RAPGEF6: variants seen among roughly 807,000 people sequenced by gnomAD.
RAPGEF6 encodes PDZ domain containing guanine nucleotide exchange factor (GEF) 2.
RAPGEF6 carries 56 observed loss-of-function variants against 171.4 expected under a neutral mutation model. That is an observed-to-expected ratio of 0.33 (90% confidence interval 0.26 to 0.41). The LOEUF is 0.41. Among genes scored for constraint, RAPGEF6 ranks in the 10% least tolerant of loss-of-function variants. The probability of loss-of-function intolerance (pLI) is 1.00; values close to 1 mark genes in which losing one functional copy is unlikely to be tolerated. For synonymous variants in RAPGEF6, 692 were observed against 650.1 expected, an observed-to-expected ratio of 1.06 and a Z score of -0.98; for missense variants, 1,674 against 1,921.4, an observed-to-expected ratio of 0.87 and a Z score of 2.41.
chr5:131,576,541 G>A lies in RAPGEF6; in HGVS notation c.282-14494C>T, dbSNP rs180931758. ...TCCTTAAGGCTGCTCTACTGCCCAA[G>A]GAAGCCGGAGTCATTCACCGCAAGG... On this transcript the variant is annotated intron_variant, in intron 4 of 27. Transcript: ENST00000509018. Among the ~76,000 whole-genome samples the A allele has an allele frequency of 3.9e-4, 60 of 152,240 alleles. 1 individual carries two copies. Among genetic ancestry groups the A allele is most frequent in the African/African-American group, 1.4e-3 (59 of 41,544 alleles).
intron 7 of RAPGEF6, among the ~76,000 whole-genome samples, chr5:131,511,861 A>G (rs761874389): frequency 3.9e-5 from 6 of 152,138 alleles, no homozygotes; most frequent in Non-Finnish European, 8.8e-5. Context: ...TTACAGTGGG[A>G]AACAGTGCCC....
rs368281591 is a variant in RAPGEF6, at chr5:131,432,385, G to A, written c.3975-1036C>T. On this transcript the variant is annotated intron_variant, in intron 25 of 27. Coordinates refer to ENST00000509018, the MANE Select transcript of RAPGEF6 (RefSeq NM_016340.6). Reference sequence around the variant, plus strand: ...TGTAATCCCAGCACTTTGGGAGGCCGAGGCGGGCGGATCACGAGGTCAGGA... The same window carrying A: ...TGTAATCCCAGCACTTTGGGAGGCCAAGGCGGGCGGATCACGAGGTCAGGA... 6.1e-4 allele frequency among the ~76,000 whole-genome samples: 93 copies of A among 152,244 alleles called. 1 individual carries two copies. The East Asian group carries it at 9.9e-3, about 16-fold the overall frequency.
intron 6 of RAPGEF6, among the ~76,000 whole-genome samples, chr5:131,533,237 C>T (rs950423394): frequency 6.6e-5 from 10 of 151,066 alleles, no homozygotes; most frequent in Non-Finnish European, 1.0e-4. Flanking sequence ...CCATGAGACA[C>T]GTCAGCAAGC....
In RAPGEF6 at chr5:131,619,925, C is replaced by T. The variant is rs1765503648; in HGVS notation, c.69+15037G>A. Reference sequence around the variant, plus strand: ...AATTAATCTCTCTGTGATTCAATTTCCCCGTATGTAAAATGTGGATAATAA... The same window carrying T: ...AATTAATCTCTCTGTGATTCAATTTTCCCGTATGTAAAATGTGGATAATAA... On this transcript the variant is annotated intron_variant, in intron 1 of 27. Transcript: ENST00000509018. Among the ~76,000 whole-genome samples, 5 of 152,306 alleles carry T rather than the reference C, an allele frequency of 3.3e-5. No individual in the cohort carries two copies. The South Asian group carries it at 1.0e-3, about 32-fold the overall frequency.
intron 3 of RAPGEF6, among the ~76,000 whole-genome samples, chr5:131,599,409 A>AAC (rs1490026946): frequency 6.6e-6 from 1 of 152,218 alleles, no homozygotes; most frequent in Non-Finnish European, 1.5e-5. Context: ...TACTTGCATG[A>AAC]ACACAGGCAT....
At chr5:131,514,045 C>T (rs1031378372) in intron 7 of RAPGEF6, among the ~76,000 whole-genome samples, 1 of 151,990 alleles carries the variant, frequency 6.6e-6, no homozygotes, top group Admixed American at 6.6e-5. Flanking sequence ...AAAACCAAAA[C>T]CCCCCAAAAA....
At position 131,504,698 on chromosome 5, in the gene RAPGEF6, T is replaced by A; in HGVS notation, c.1182A>T (p.Gly394=). ...GATGCTCATGTACCATAACAATTTCTCCCTCTTCCTCAACTTTATGGGTAT... is the reference window on the plus strand; with the variant it reads ...GATGCTCATGTACCATAACAATTTCACCCTCTTCCTCAACTTTATGGGTAT... ...EKNTHKVEEE[G]EIVMVHEHRE... Residue 394 remains glycine (G), a synonymous_variant, in exon 11 of 28, where the codon GGA becomes GGT. Coordinates refer to ENST00000509018, the MANE Select transcript of RAPGEF6 (RefSeq NM_016340.6). The A allele has an allele frequency of 6.2e-7, 1 of 1,614,012 alleles. No homozygotes were observed. The highest frequency in any genetic ancestry group is 8.5e-7 in the Non-Finnish European group (1 of 1,179,938).
intron 6 of RAPGEF6, among the ~76,000 whole-genome samples, chr5:131,535,438 C>T (rs1389281396): frequency 1.3e-5 from 2 of 152,080 alleles, no homozygotes; most frequent in South Asian, 2.1e-4. Context: ...AATTTTATCA[C>T]GATCTCATCT....
intron 21 of RAPGEF6, among the ~76,000 whole-genome samples, chr5:131,450,998 G>T (rs1335717997): frequency 6.6e-6 from 1 of 152,170 alleles, no homozygotes; most frequent in East Asian, 1.9e-4. Flanking sequence ...GAATCAGGAT[G>T]TTAACATGTG....
intron 18 of RAPGEF6, among the ~76,000 whole-genome samples, chr5:131,463,153 T>C (rs370210326): frequency 5.7e-4 from 87 of 152,336 alleles, no homozygotes; most frequent in African/African-American, 1.9e-3. Context: ...CCAGGGTCTA[T>C]GCTCTTAACC....
intron 4 of RAPGEF6, among the ~76,000 whole-genome samples, chr5:131,584,862 T>A (rs1219319748): frequency 6.6e-6 from 1 of 152,222 alleles, no homozygotes; most frequent in Non-Finnish European, 1.5e-5. Context: ...GCCAGCCTTG[T>A]GTCAATTAAA....
chr5:131,440,574 C>T (rs1004038445), intron 23 of RAPGEF6, among the ~76,000 whole-genome samples: 1 of 151,568 alleles, frequency 6.6e-6, no homozygotes, highest in East Asian at 1.9e-4. Context: ...CCCATCTCTA[C>T]TAAAAATACA....
rs751866726 is a variant in RAPGEF6, at chr5:131,495,654, G to A, written c.1426C>T (p.Arg476Trp). The A allele has an allele frequency of 6.2e-6, 10 of 1,611,212 alleles. No individual in the cohort carries two copies. Among genetic ancestry groups the A allele is most frequent in the Non-Finnish European group, 8.5e-6 (10 of 1,178,542 alleles). Reference sequence around the variant, plus strand: ...TTATTTACCCATAATAATACAATCCGTGTCACCTGTGGAAACATAAAAGAG... The same window carrying A: ...TTATTTACCCATAATAATACAATCCATGTCACCTGTGGAAACATAAAAGAG... ...KIDSLRDKVT[R>W]IVLLWVNNHF... The change falls in exon 13 of 28, where the codon CGG (arginine) becomes TGG (tryptophan). Residue 476 changes from arginine to tryptophan, a missense_variant. Arg to Trp is a moderately radical substitution (Grantham distance 101). Around this residue, in one of 3 missense-constraint regions of RAPGEF6, gnomAD observed 1,116 missense variants for 1,321.5 expected, o/e 0.84. Coordinates refer to ENST00000509018, the MANE Select transcript of RAPGEF6 (RefSeq NM_016340.6).
At chr5:131,567,455 T>C (rs1762023144) in intron 4 of RAPGEF6, among the ~76,000 whole-genome samples, 1 of 152,230 alleles carries the variant, frequency 6.6e-6, no homozygotes, top group African/African-American at 2.4e-5. Context: ...TTTTGATGTG[T>C]GTTCACTTCC....
chr5:131,437,582 C>A lies in RAPGEF6; in HGVS notation c.3745+1999G>T, dbSNP rs1752094936. 3.3e-5 allele frequency among the ~76,000 whole-genome samples: 5 copies of A among 152,184 alleles called. No homozygotes were observed. The South Asian group carries it at 1.0e-3, about 32-fold the overall frequency. On this transcript the variant is annotated intron_variant, in intron 24 of 27. Transcript: ENST00000509018. ...AAGGGGCGCATTGGATAGGACCATA[C>A]AGACAAGGAAAGTGATGACATAGGT...
intron 4 of RAPGEF6, among the ~76,000 whole-genome samples, chr5:131,586,502 G>T (rs372247010): frequency 6.6e-6 from 1 of 152,102 alleles, no homozygotes; most frequent in Non-Finnish European, 1.5e-5. Flanking sequence ...GTGGTGTCAC[G>T]CACCTGTGGT....
intron 16 of RAPGEF6, among the ~76,000 whole-genome samples, chr5:131,473,113 G>A (rs1057036676): frequency 6.6e-6 from 1 of 152,080 alleles, no homozygotes; most frequent in African/African-American, 2.4e-5. Context: ...CCACACCATA[G>A]CAAGGTGTTC....
In RAPGEF6 at chr5:131,439,592, G is replaced by C; in HGVS notation, c.3734C>G (p.Ser1245Cys). ...ATGTTTTGTCTTACCTTTGTGAGGG[G>C]AGCCTTGAGGAGATGCAGGAGGACT... ...HSSPPASPQG[S>C]PHKGYTLIPS... is the part of the protein sequence containing the mutation. Residue 1245 changes from serine to cysteine, a missense_variant, in exon 24 of 28, where the codon TCC becomes TGC. Coordinates refer to ENST00000509018, the MANE Select transcript of RAPGEF6 (RefSeq NM_016340.6). 1.2e-6 allele frequency: 2 copies of C among 1,610,626 alleles called. No individual in the cohort carries two copies. Among genetic ancestry groups the C allele is most frequent in the Non-Finnish European group, 1.7e-6 (2 of 1,178,094 alleles).
intron 1 of RAPGEF6, among the ~76,000 whole-genome samples, chr5:131,618,772 T>C (rs1211898786): frequency 6.6e-6 from 1 of 152,204 alleles, no homozygotes; most frequent in Non-Finnish European, 1.5e-5. Context: ...ATTCTCCAAC[T>C]ATAACTTTGG....
Sources: gnomAD v4.1 joint callset for allele counts (sites outside exome capture counted in the v4.1 genomes callset) on GRCh38, gnomAD v4.1.1 for gene constraint, gnomAD v4.1.1 regional missense constraint, MANE v1.5 for transcripts, NCBI Gene and HGNC (gene_info 2026-07-23, HGNC 2026-07-21) for gene names.